MGAT4A: variants seen among roughly 807,000 people sequenced by gnomAD.
MGAT4A encodes alpha-1,3-mannosyl-glycoprotein 4-beta-N-acetylglucosaminyltransferase A, also known as N-acetylglucosaminyltransferase IVa.
In MGAT4A, 33 loss-of-function variants were observed where a neutral mutation model predicts 74.1. That is an observed-to-expected ratio of 0.45 (90% CI 0.34 to 0.60). The LOEUF is 0.60. Ranked by LOEUF, MGAT4A falls within the 20% of genes least tolerant of loss-of-function variation. The pLI, the probability that MGAT4A is intolerant of heterozygous loss-of-function variation, is 0.02. For missense variants in MGAT4A, 479 were observed against 628.3 expected (o/e 0.76, Z 2.54); for synonymous variants, 198 against 210.4 (o/e 0.94, Z 0.51).
At position 98,645,441 on chromosome 2, in the gene MGAT4A, C is replaced by T. The variant is rs1443326948; in HGVS notation, c.876G>A (p.Gln292=). The part of the protein sequence containing the change: ...SEEWMILEFS[Q]LGFIGKMFQA... Reference sequence around the variant, plus strand: ...CACTTTTCTTACCAATGAAGCCCAGCTGGGAAAACTCTAGAATCATCCATT... The same window carrying T: ...CACTTTTCTTACCAATGAAGCCCAGTTGGGAAAACTCTAGAATCATCCATT... The change falls in exon 9 of 16, where the codon CAG becomes CAA. Residue 292 remains glutamine, a synonymous_variant. Coordinates refer to ENST00000393487, the MANE Select transcript of MGAT4A (RefSeq NM_012214.3). 1.3e-6 allele frequency: 2 copies of T among 1,567,542 alleles called. No homozygotes were observed. Among genetic ancestry groups the T allele is most frequent in the Non-Finnish European group, 8.6e-7 (1 of 1,166,564 alleles).
intron 8 of MGAT4A, among the ~76,000 whole-genome samples, chr2:98,652,533 G>A (rs538449514): frequency 5.9e-5 from 9 of 152,082 alleles, no homozygotes; most frequent in Admixed American, 2.0e-4. Flanking sequence ...GAGTTTCACC[G>A]TGTTAGCCAG....
At chr2:98,686,401 T>C (rs1702131083) in intron 2 of MGAT4A, among the ~76,000 whole-genome samples, 1 of 152,184 alleles carries the variant, frequency 6.6e-6, no homozygotes, top group South Asian at 2.1e-4. Context: ...TCGGCTAATA[T>C]AATCATTAAC....
At chr2:98,660,866 T>C (rs532739778) in intron 5 of MGAT4A, among the ~76,000 whole-genome samples, 1 of 152,352 alleles carries the variant, frequency 6.6e-6, no homozygotes, top group East Asian at 1.9e-4. Flanking sequence ...GGCAATGGTT[T>C]TTTGGATATG....
intron 1 of MGAT4A, chr2:98,726,793 T>G (rs375149331): frequency 5.8e-5 from 9 of 155,078 alleles, no homozygotes; most frequent in African/African-American, 1.7e-4. Flanking sequence ...CTCATTGGTT[T>G]TGTTTTGTCT....
intron 10 of MGAT4A, among the ~76,000 whole-genome samples, chr2:98,640,947 A>G (rs1575245583): frequency 6.6e-6 from 1 of 152,232 alleles, no homozygotes; most frequent in Non-Finnish European, 1.5e-5. Context: ...GCATGAAAGC[A>G]ACTTGAAAAT....
At chr2:98,703,469 A>G (rs1386394589) in intron 2 of MGAT4A, among the ~76,000 whole-genome samples, 1 of 152,166 alleles carries the variant, frequency 6.6e-6, no homozygotes, top group African/African-American at 2.4e-5. Context: ...AAGTAGTAGA[A>G]AAAAATATAT....
intron 10 of MGAT4A, among the ~76,000 whole-genome samples, chr2:98,640,672 A>G (rs936269580): frequency 2.0e-5 from 3 of 152,156 alleles, no homozygotes; most frequent in African/African-American, 7.2e-5. Flanking sequence ...TCATAATTAC[A>G]AATCATATTT....
In MGAT4A at chr2:98,663,087, C is replaced by T. The variant is rs1318423185; in HGVS notation, c.496G>A (p.Glu166Lys). Residue 166 changes from glutamate to lysine, a missense_variant, in exon 5 of 16, where the codon GAA (glutamate) becomes AAA (lysine). By Grantham distance (56) the Glu-to-Lys change is moderately conservative. This residue lies in a region of MGAT4A where 205 missense variants were observed against 232.7 expected (regional missense o/e 0.88). Transcript: ENST00000393487. ...ACTATAACACAGTCCAACTTCTCTT[C>T]AGGATACAGGTTATCAATAAGGGAA... ...LHSLIDNLYP[E>K]EKLDCVIVVF... 1 of 1,593,512 alleles carries T rather than the reference C, an allele frequency of 6.3e-7. No homozygotes were observed. The highest frequency in any genetic ancestry group is 8.6e-7 in the Non-Finnish European group (1 of 1,167,770).
rs578205065 is a variant in MGAT4A at position 98,624,075 on chromosome 2, C to G, written c.*1491G>C. 8 of 940,260 alleles carry G rather than the reference C, an allele frequency of 8.5e-6. No individual in the cohort carries two copies. Among genetic ancestry groups the G allele is most frequent in the Non-Finnish European group, 1.0e-5 (8 of 789,300 alleles). 58.2% of individuals were successfully genotyped at this position (940,260 alleles called of 1,614,324 possible). A position where few individuals can be genotyped will look rare whatever the true frequency, so the allele number is the denominator to read the frequency against. ...TCGCCCAGGCTGGAGTGCAGTGGTG[C>G]GATCTCAGCTCACTGCCAGCTCTGC... On this transcript the variant is annotated 3_prime_UTR_variant, in exon 16 of 16. Coordinates refer to ENST00000393487, the MANE Select transcript of MGAT4A (RefSeq NM_012214.3).
chr2:98,677,923 G>T (rs903512446), intron 3 of MGAT4A, among the ~76,000 whole-genome samples: 1 of 146,604 alleles, frequency 6.8e-6, no homozygotes, highest in East Asian at 2.0e-4. Context: ...AATTCCACAT[G>T]CCCCTTTGCA....
In MGAT4A at chr2:98,655,521, C is replaced by A; in HGVS notation, c.699-1G>T. The A allele has an allele frequency of 6.3e-7, 1 of 1,598,194 alleles. No homozygotes were observed. Among genetic ancestry groups the A allele is most frequent in the South Asian group, 1.1e-5 (1 of 89,024 alleles). ...ATCTAGGTTTTGCTTTGTTCTCCAT[C>A]TGAAATAAACATTTTCAAAAAGTAA... On this transcript the variant is annotated splice_acceptor_variant, in intron 7 of 15. Coordinates refer to ENST00000393487, the MANE Select transcript of MGAT4A (RefSeq NM_012214.3). LOFTEE classifies it high-confidence loss of function.
At chr2:98,634,698 G>A (rs1701290675) in intron 14 of MGAT4A, among the ~76,000 whole-genome samples, 1 of 149,680 alleles carries the variant, frequency 6.7e-6, no homozygotes, top group Non-Finnish European at 1.5e-5. Context: ...AGCAAGAAGA[G>A]GGCAGTCTTC....
chr2:98,705,616 T>A (rs1702414407), intron 2 of MGAT4A, among the ~76,000 whole-genome samples: 1 of 152,166 alleles, frequency 6.6e-6, no homozygotes, highest in African/African-American at 2.4e-5. Context: ...GAACAATTGA[T>A]TAGGTGATTG....
chr2:98,703,269 C>T (rs1425685684), intron 2 of MGAT4A, among the ~76,000 whole-genome samples: 1 of 152,080 alleles, frequency 6.6e-6, no homozygotes, highest in Non-Finnish European at 1.5e-5. Context: ...ACTAGAGAGG[C>T]TCAGCAGCAG....
chr2:98,640,224 T>C lies in MGAT4A; in HGVS notation c.1025A>G (p.His342Arg). 6.2e-7 allele frequency: 1 copy of C among 1,607,054 alleles called. No homozygotes were observed. Among genetic ancestry groups the C allele is most frequent in the South Asian group, 1.1e-5 (1 of 89,242 alleles). ...KVCNPEKDAK[H>R]CDRQKANLRI... Reference sequence around the variant, plus strand: ...CAGATTTGCTTTCTGTCTATCACAATGTTTCTAAATATTAAAAAAAATCAC... The same window carrying C: ...CAGATTTGCTTTCTGTCTATCACAACGTTTCTAAATATTAAAAAAAATCAC... The change falls in exon 11 of 16, where the codon CAT (histidine) becomes CGT (arginine). Residue 342 changes from histidine (H) to arginine (R), a missense_variant. His to Arg is a conservative substitution (Grantham distance 29). This residue lies in a region of MGAT4A where 236 missense variants were observed against 308.2 expected (regional missense o/e 0.77). Coordinates refer to ENST00000393487, the MANE Select transcript of MGAT4A (RefSeq NM_012214.3).
intron 2 of MGAT4A, among the ~76,000 whole-genome samples, chr2:98,707,231 A>G (rs1212200399): frequency 1.3e-5 from 2 of 152,146 alleles, no homozygotes; most frequent in Non-Finnish European, 2.9e-5. Flanking sequence ...TTAAAAAATG[A>G]AAAATCTGAG....
chr2:98,673,529 T>G (rs954118987), intron 4 of MGAT4A, among the ~76,000 whole-genome samples: 2 of 152,248 alleles, frequency 1.3e-5, no homozygotes, highest in African/African-American at 4.8e-5. Context: ...TACCAAGCTG[T>G]TTTTTCTACC....
chr2:98,701,412 GC>G (rs1381054025), intron 2 of MGAT4A, among the ~76,000 whole-genome samples: 2 of 152,156 alleles, frequency 1.3e-5, no homozygotes, highest in Non-Finnish European at 2.9e-5. Context: ...TGTTTCTGAA[GC>G]AGCACAAAAA....
Position 98,711,690 on chromosome 2 carries a change from C to A in MGAT4A, c.94+14549G>T, listed in dbSNP as rs142170179. Among the ~76,000 whole-genome samples the A allele has an allele frequency of 1.2e-4, 18 of 152,218 alleles. No individual in the cohort carries two copies. In the East Asian group the frequency reaches 3.5e-3, roughly 29 times the overall value. On this transcript the variant is annotated intron_variant, in intron 2 of 15. Coordinates refer to ENST00000393487, the MANE Select transcript of MGAT4A (RefSeq NM_012214.3). ...TGTGTTCACACGTGCATAAGTACCA[C>A]GTTAGCCTCAATCATGGCTCACTGC... is the stretch of plus-strand genomic sequence containing the variant.
Sources: gnomAD v4.1 joint callset for allele counts (sites outside exome capture counted in the v4.1 genomes callset) on GRCh38, gnomAD v4.1.1 for gene constraint, gnomAD v4.1.1 regional missense constraint, MANE v1.5 for transcripts, NCBI Gene and HGNC (gene_info 2026-07-23, HGNC 2026-07-21) for gene names.